DMXL1: variants seen among roughly 807,000 people sequenced by gnomAD.
The protein encoded by DMXL1 is dmX-like protein 1.
Under a neutral mutation model 319.2 loss-of-function variants are expected in DMXL1, and 99 were observed. The observed-to-expected ratio is 0.31, with a 90% confidence interval of 0.26 to 0.37. DMXL1 has a LOEUF of 0.37. DMXL1 is among the 10% of genes least tolerant of loss of function. DMXL1 has a pLI of 1.00. For missense variants in DMXL1, 3,745 were observed against 3,595.6 expected (o/e 1.04, Z -1.06); for synonymous variants, 1,385 against 1,235.2 (o/e 1.12, Z -2.54).
chr5:119,203,892 C>G (rs1174886057), intron 33 of DMXL1, among the ~76,000 whole-genome samples: 1 of 152,114 alleles, frequency 6.6e-6, no homozygotes, highest in Admixed American at 6.5e-5. Flanking sequence ...GCGATCTCAG[C>G]TTACTGCAAG....
At chr5:119,121,776 C>T (rs867448544) in intron 9 of DMXL1, among the ~76,000 whole-genome samples, 1 of 152,220 alleles carries the variant, frequency 6.6e-6, no homozygotes, top group East Asian at 1.9e-4. Context: ...CATCCTGGCC[C>T]GTTCTCAATG....
intron 42 of DMXL1, among the ~76,000 whole-genome samples, chr5:119,243,204 T>G (rs1354554013): frequency 2.0e-5 from 3 of 152,220 alleles, no homozygotes. Flanking sequence ...GGAAGTTATA[T>G]CTCAAAGTGC....
intron 28 of DMXL1, among the ~76,000 whole-genome samples, chr5:119,181,039 C>T (rs909223802): frequency 3.3e-5 from 5 of 152,108 alleles, no homozygotes; most frequent in Non-Finnish European, 7.4e-5. Flanking sequence ...ATTGAAAGTC[C>T]AGGTTGATCT....
At chr5:119,153,999 C>T (rs185385664) in intron 19 of DMXL1, among the ~76,000 whole-genome samples, 3 of 152,264 alleles carry the variant, frequency 2.0e-5, no homozygotes, top group Non-Finnish European at 4.4e-5. Flanking sequence ...ATCTTTGTTA[C>T]TATTATAATG....
intron 1 of DMXL1, among the ~76,000 whole-genome samples, chr5:119,093,842 A>G (rs909754277): frequency 1.3e-5 from 2 of 152,220 alleles, no homozygotes; most frequent in Non-Finnish European, 1.5e-5. Flanking sequence ...TGGTCTGGCT[A>G]GAAGATCAGA....
intron 1 of DMXL1, among the ~76,000 whole-genome samples, chr5:119,071,990 T>G (rs994205443): frequency 6.6e-6 from 1 of 152,186 alleles, no homozygotes; most frequent in Non-Finnish European, 1.5e-5. Context: ...TATACCATTC[T>G]ATAGGTTCAA....
At chr5:119,121,506 G>C (rs1016433292) in intron 9 of DMXL1, among the ~76,000 whole-genome samples, 21 of 151,928 alleles carry the variant, frequency 1.4e-4, no homozygotes, top group Middle Eastern at 6.8e-3. Flanking sequence ...CTGCCTTCAG[G>C]CATCTGTTTA....
chr5:119,167,225 A>G (rs1269428854), intron 22 of DMXL1, among the ~76,000 whole-genome samples: 2 of 152,178 alleles, frequency 1.3e-5, no homozygotes, highest in East Asian at 1.9e-4. Flanking sequence ...GTTTCATACA[A>G]GTAATTCAAA....
At chr5:119,195,305 TAGC>T (rs937654508) in intron 30 of DMXL1, among the ~76,000 whole-genome samples, 3 of 152,228 alleles carry the variant, frequency 2.0e-5, no homozygotes, top group Non-Finnish European at 4.4e-5. Flanking sequence ...CCCATGTTCT[TAGC>T]AGCATTATTT....
chr5:119,130,969 A>C (rs1486869085), intron 10 of DMXL1, among the ~76,000 whole-genome samples: 1 of 150,906 alleles, frequency 6.6e-6, no homozygotes, highest in Non-Finnish European at 1.5e-5. Flanking sequence ...TATGCTTTAC[A>C]TCCTTATCAA....
At chr5:119,176,741 T>C (rs116427893) in intron 26 of DMXL1, among the ~76,000 whole-genome samples, 30 of 152,196 alleles carry the variant, frequency 2.0e-4, no homozygotes, top group African/African-American at 7.0e-4. Context: ...CAGAATTATT[T>C]CATAGTTTAT....
intron 13 of DMXL1, among the ~76,000 whole-genome samples, chr5:119,142,820 ATG>A (rs1767710088): frequency 6.6e-6 from 1 of 152,148 alleles, no homozygotes; most frequent in South Asian, 2.1e-4. Flanking sequence ...GATTAAGAAA[ATG>A]TGGTACATAC....
intron 19 of DMXL1, among the ~76,000 whole-genome samples, chr5:119,155,292 A>C (rs987971717): frequency 6.6e-6 from 1 of 152,180 alleles, no homozygotes; most frequent in Non-Finnish European, 1.5e-5. Flanking sequence ...GATCTGGACA[A>C]AGTAAATTGA....
intron 33 of DMXL1, among the ~76,000 whole-genome samples, chr5:119,204,440 A>G (rs909369114): frequency 5.3e-5 from 8 of 152,186 alleles, no homozygotes; most frequent in African/African-American, 1.9e-4. Context: ...CACCCAGCCA[A>G]CTTTTTAAAT....
intron 10 of DMXL1, among the ~76,000 whole-genome samples, chr5:119,130,601 C>T (rs1764655335): frequency 6.6e-6 from 1 of 152,104 alleles, no homozygotes; most frequent in South Asian, 2.1e-4. Context: ...CCTGGGCCTC[C>T]CAAAGTGCTG....
intron 41 of DMXL1, among the ~76,000 whole-genome samples, chr5:119,239,890 G>A (rs1306383836): frequency 6.7e-6 from 1 of 150,190 alleles, no homozygotes; most frequent in Non-Finnish European, 1.5e-5. Flanking sequence ...CTGGGAGGCA[G>A]AGGTTGCAGT....
intron 9 of DMXL1, among the ~76,000 whole-genome samples, chr5:119,121,831 G>T (rs1228801694): frequency 5.3e-5 from 8 of 151,450 alleles, no homozygotes; most frequent in East Asian, 3.9e-4. Context: ...CCGGGCAGAG[G>T]GGCTCCTCAC....
chr5:119,185,583 A>G (rs1777572743), intron 28 of DMXL1, among the ~76,000 whole-genome samples: 1 of 151,928 alleles, frequency 6.6e-6, no homozygotes, highest in Non-Finnish European at 1.5e-5. Context: ...GCTCACTGCA[A>G]CCTCTGCCTC....
chr5:119,097,556 A>G (rs1466819140), intron 1 of DMXL1, among the ~76,000 whole-genome samples: 2 of 152,252 alleles, frequency 1.3e-5, no homozygotes, highest in East Asian at 3.9e-4. Flanking sequence ...TCTCTACTAA[A>G]AATACAAAAA....
Sources: allele counts gnomAD v4.1 joint callset (sites outside exome capture counted in the v4.1 genomes callset), GRCh38; gene constraint gnomAD v4.1.1; transcripts MANE v1.5; gene names NCBI Gene and HGNC (gene_info 2026-07-23, HGNC 2026-07-21).